Variants in ANKFN1 observed in about 807,000 individuals in gnomAD.
The protein encoded by ANKFN1 is ankyrin repeat and fibronectin type-III domain-containing protein 1.
In ANKFN1, 74 loss-of-function variants were observed where a neutral mutation model predicts 108.7. The observed-to-expected ratio is 0.68, with a 90% CI of 0.56 to 0.83. The LOEUF is 0.83. Ranked by LOEUF, ANKFN1 falls within the 40% of genes least tolerant of loss-of-function variation. The pLI, the probability that ANKFN1 is intolerant of heterozygous loss-of-function variation, is 0.00. For missense variants in ANKFN1, 1,505 were observed against 1,382.3 expected (o/e 1.09, Z -1.41); for synonymous variants, 547 against 516.2 (o/e 1.06, Z -0.81).
At chr17:56,478,936 A>C (rs1309564912) in intron 16 of ANKFN1, among the ~76,000 whole-genome samples, 4 of 152,184 alleles carry the variant, frequency 2.6e-5, no homozygotes, top group Non-Finnish European at 5.9e-5. Flanking sequence ...TTGCTTGATG[A>C]CAATGGAGGA....
intron 8 of ANKFN1, among the ~76,000 whole-genome samples, chr17:56,404,378 G>T (rs1274838883): frequency 1.3e-5 from 2 of 152,020 alleles, no homozygotes. Context: ...TTTTGTCTTT[G>T]TTAGATTAGG....
intron 4 of ANKFN1, among the ~76,000 whole-genome samples, chr17:56,079,397 C>A (rs1177507042): frequency 6.6e-6 from 1 of 152,164 alleles, no homozygotes. Context: ...AGTGCCAAGA[C>A]CAAACAGAGG....
At chr17:56,227,787 A>G in intron 2 of ANKFN1, 130 bp from the exon 3 acceptor site, 1 of 724,956 alleles carries the variant, frequency 1.4e-6, no homozygotes, top group South Asian at 1.7e-5. Flanking sequence ...CAATAAATAT[A>G]TATTCATCTG....
intron 3 of ANKFN1, among the ~76,000 whole-genome samples, chr17:56,317,172 T>A (rs1278085353): frequency 6.6e-6 from 1 of 152,162 alleles, no homozygotes; most frequent in Non-Finnish European, 1.5e-5. Flanking sequence ...TCATAACATG[T>A]TAGAGCTAGA....
intron 8 of ANKFN1, among the ~76,000 whole-genome samples, chr17:56,437,628 A>G (rs548664965): frequency 5.9e-5 from 9 of 152,260 alleles, no homozygotes; most frequent in African/African-American, 2.2e-4. Context: ...TTTCTTCTAT[A>G]GCTAAATTAG....
intron 20 of ANKFN1, among the ~76,000 whole-genome samples, chr17:56,508,801 C>T (rs1423573487): frequency 6.6e-6 from 1 of 152,202 alleles, no homozygotes; most frequent in African/African-American, 2.4e-5. Context: ...CTTTATACAT[C>T]CATTAAAACA....
At chr17:56,157,332 C>A (rs1401698191) in intron 1 of ANKFN1, among the ~76,000 whole-genome samples, 2 of 152,172 alleles carry the variant, frequency 1.3e-5, no homozygotes, top group Non-Finnish European at 2.9e-5. Flanking sequence ...AATGCAGCAG[C>A]TTTATCTGAC....
chr17:56,046,692 T>C (rs1463448078), intron 4 of ANKFN1, among the ~76,000 whole-genome samples: 2 of 151,122 alleles, frequency 1.3e-5, no homozygotes, highest in South Asian at 2.1e-4. Context: ...TCTATTTCTT[T>C]GCTATCAAGC....
chr17:56,435,185 A>C (rs761083601), intron 8 of ANKFN1, among the ~76,000 whole-genome samples: 4 of 152,136 alleles, frequency 2.6e-5, no homozygotes, highest in Non-Finnish European at 5.9e-5. Flanking sequence ...ACCAGCGTGA[A>C]ATTCCTGTCT....
At chr17:56,302,691 A>T (rs557924464) in intron 3 of ANKFN1, among the ~76,000 whole-genome samples, 1 of 152,200 alleles carries the variant, frequency 6.6e-6, no homozygotes, top group Non-Finnish European at 1.5e-5. Context: ...CCCACAAGAT[A>T]ACCATGTTAA....
chr17:56,445,933 G>A (rs1276498963), intron 10 of ANKFN1, among the ~76,000 whole-genome samples: 1 of 152,130 alleles, frequency 6.6e-6, no homozygotes, highest in East Asian at 1.9e-4. Flanking sequence ...GACACAATCT[G>A]CTCTTTTCCT....
intron 4 of ANKFN1, among the ~76,000 whole-genome samples, chr17:56,072,342 A>C (rs895716575): frequency 1.1e-4 from 17 of 152,176 alleles, no homozygotes; most frequent in African/African-American, 4.1e-4. Context: ...AAGAAGGCAC[A>C]CATAGTATAG....
chr17:56,467,759 G>C (rs1458985218), intron 15 of ANKFN1, among the ~76,000 whole-genome samples: 8 of 27,358 alleles, frequency 2.9e-4, no homozygotes, highest in Non-Finnish European at 5.4e-4. Context: ...AAGAAAGAAA[G>C]AAAGAAAGAA....
At chr17:56,443,059 T>A in intron 10 of ANKFN1, 126 bp downstream of exon 10, 1 of 798,270 alleles carries the variant, frequency 1.3e-6, no homozygotes, top group South Asian at 1.8e-5. Flanking sequence ...CAGGGCAGCA[T>A]CTGGGCCACA....
At chr17:56,395,478 A>G (rs965862990) in intron 8 of ANKFN1, among the ~76,000 whole-genome samples, 3 of 152,250 alleles carry the variant, frequency 2.0e-5, no homozygotes, top group African/African-American at 4.8e-5. Flanking sequence ...GAGAAGGTCC[A>G]TAAAGAATTC....
intron 8 of ANKFN1, among the ~76,000 whole-genome samples, chr17:56,414,720 T>C (rs931799688): frequency 2.6e-5 from 4 of 152,182 alleles, no homozygotes; most frequent in Non-Finnish European, 5.9e-5. Flanking sequence ...CATCCTTTCA[T>C]GATAAAAACC....
chr17:56,185,415 A>G (rs1449518337), intron 1 of ANKFN1, among the ~76,000 whole-genome samples: 1 of 152,174 alleles, frequency 6.6e-6, no homozygotes, highest in Non-Finnish European at 1.5e-5. Context: ...GGTCTCCATA[A>G]CCTTTATAAC....
chr17:56,312,527 G>A (rs1174305053), intron 3 of ANKFN1, among the ~76,000 whole-genome samples: 4 of 151,990 alleles, frequency 2.6e-5, no homozygotes, highest in Non-Finnish European at 5.9e-5. Flanking sequence ...TCCTAATCCC[G>A]GCTGCCCTAA....
intron 4 of ANKFN1, among the ~76,000 whole-genome samples, chr17:56,334,617 C>T (rs1245800528): frequency 6.6e-6 from 1 of 151,964 alleles, no homozygotes; most frequent in Non-Finnish European, 1.5e-5. Flanking sequence ...TTGGACAATA[C>T]ATGACTACTA....
Sources: allele counts gnomAD v4.1 joint callset (sites outside exome capture counted in the v4.1 genomes callset), GRCh38; gene constraint gnomAD v4.1.1; transcripts MANE v1.5; gene names NCBI Gene and HGNC (gene_info 2026-07-23, HGNC 2026-07-21).